Variants in RASEF observed in about 807,000 individuals in gnomAD.
RASEF encodes ras and EF-hand domain-containing protein.
In RASEF, 68 loss-of-function variants were observed where a neutral mutation model predicts 90.1. That is an observed-to-expected ratio of 0.75 (90% CI 0.62 to 0.92). The LOEUF is 0.92. Among genes scored for constraint, RASEF ranks in the 40% least tolerant of loss-of-function variants. The pLI, the probability that RASEF is intolerant of heterozygous loss-of-function variation, is 0.00. For missense variants in RASEF, 949 were observed against 937.2 expected (o/e 1.01, Z -0.16); for synonymous variants, 331 against 345.2 (o/e 0.96, Z 0.46).
At chr9:83,031,221 T>C (rs1443704146) in intron 1 of RASEF, among the ~76,000 whole-genome samples, 1 of 152,216 alleles carries the variant, frequency 6.6e-6, no homozygotes, top group Non-Finnish European at 1.5e-5. Context: ...ATCATCTTCT[T>C]CCCTATTAAC....
chr9:83,148,273 T>C, the RASEF span, among the ~76,000 whole-genome samples: 7 of 152,204 alleles, frequency 4.6e-5, no homozygotes, highest in Non-Finnish European at 7.3e-5. Context: ...TGTTATGGGC[T>C]GAACTGTGAT....
At chr9:83,124,749 C>A in the RASEF span, among the ~76,000 whole-genome samples, 30 of 152,070 alleles carry the variant, frequency 2.0e-4, 1 homozygote, top group Non-Finnish European at 4.1e-4. Flanking sequence ...TTTCTCTGGT[C>A]AGCTTTGGAA....
chr9:83,136,587 G>A, the RASEF span, among the ~76,000 whole-genome samples: 1 of 151,964 alleles, frequency 6.6e-6, no homozygotes, highest in African/African-American at 2.4e-5. Context: ...ATTCTACTAC[G>A]ACCTCACTGG....
intron 12 of RASEF, among the ~76,000 whole-genome samples, chr9:82,998,746 TGTGTGTGTGG>T (rs1302012402): frequency 1.3e-5 from 2 of 152,160 alleles, no homozygotes; most frequent in Non-Finnish European, 2.9e-5. Flanking sequence ...TTTGTGTGTG[TGTGTGTGTGG>T]GTGTGTGTAC....
chr9:83,019,708 T>G (rs1271201486), intron 3 of RASEF, among the ~76,000 whole-genome samples: 1 of 152,164 alleles, frequency 6.6e-6, no homozygotes, highest in Non-Finnish European at 1.5e-5. Context: ...GGCTAAACAC[T>G]GTGGTACCCC....
At chr9:83,046,588 C>G (rs1829934466) in intron 1 of RASEF, among the ~76,000 whole-genome samples, 1 of 152,200 alleles carries the variant, frequency 6.6e-6, no homozygotes, top group South Asian at 2.1e-4. Flanking sequence ...AACACTAACA[C>G]TAGTTTACAG....
chr9:83,062,303 T>C (rs1357883108), intron 1 of RASEF, 134 bp downstream of exon 1: 2 of 810,044 alleles, frequency 2.5e-6, no homozygotes, highest in South Asian at 1.8e-5. Context: ...TCAAAGCGAG[T>C]AGGTGAAGGA....
the RASEF span, among the ~76,000 whole-genome samples, chr9:83,120,892 T>C: frequency 1.3e-5 from 2 of 152,302 alleles, no homozygotes; most frequent in South Asian, 4.1e-4. Flanking sequence ...CACCATCTGA[T>C]ACGCAGACCT....
chr9:83,092,109 AT>A, the RASEF span, among the ~76,000 whole-genome samples: 1 of 134,370 alleles, frequency 7.4e-6, no homozygotes, highest in Middle Eastern at 4.9e-3. Context: ...GATTCTGGCT[AT>A]TTTTTCCAGT....
At chr9:83,175,456 C>G in the RASEF span, among the ~76,000 whole-genome samples, 2 of 151,874 alleles carry the variant, frequency 1.3e-5, no homozygotes, top group Non-Finnish European at 2.9e-5. Flanking sequence ...TGTGATAAAC[C>G]CTAGTAGTAG....
chr9:83,140,169 A>T, the RASEF span, among the ~76,000 whole-genome samples: 1 of 152,156 alleles, frequency 6.6e-6, no homozygotes, highest in Non-Finnish European at 1.5e-5. Context: ...CTCCCCAGGA[A>T]TTCCTCAGTG....
At chr9:83,202,625 G>A in the RASEF span, among the ~76,000 whole-genome samples, 2,604 of 152,078 alleles carry the variant, frequency 0.017, 74 homozygotes, top group African/African-American at 0.058. Context: ...ACAGGTGCCC[G>A]CCACTATGCT....
At chr9:82,982,825 GA>G in intron 16 of RASEF, 43 bp from the exon 17 acceptor site, 1 of 1,138,484 alleles carries the variant, frequency 8.8e-7, no homozygotes, top group Admixed American at 1.7e-5. Context: ...GAGAGAGAGA[GA>G]GAGAGAGGAT....
Position 83,000,208 on chromosome 9 carries a change from A to C in RASEF, c.1684T>G (p.Cys562Gly), listed in dbSNP as rs754185855. The C allele has an allele frequency of 6.2e-7, 1 of 1,614,048 alleles. No homozygotes were observed. Among genetic ancestry groups the C allele is most frequent in the Non-Finnish European group, 8.5e-7 (1 of 1,179,994 alleles). ...VGKSSFLMRL[C>G]KNEFRENISA... Reference sequence around the variant, plus strand: ...ATATTTTCTCGAAATTCATTCTTGCAAAGTCTCATGAGGAAACTAGACTTC... The same window carrying C: ...ATATTTTCTCGAAATTCATTCTTGCCAAGTCTCATGAGGAAACTAGACTTC... The change falls in exon 12 of 17, where the codon TGC (cysteine) becomes GGC (glycine). Residue 562 changes from cysteine (C) to glycine (G), a missense_variant. Cys to Gly is a radical substitution (Grantham distance 159). Around this residue, in one of 3 missense-constraint regions of RASEF, gnomAD observed 288 missense variants for 328.4 expected, o/e 0.88. Coordinates refer to ENST00000376447, the MANE Select transcript of RASEF (RefSeq NM_152573.4).
intron 1 of RASEF, chr9:83,055,646 C>G (rs140862023): frequency 2.3e-4 from 166 of 718,062 alleles, no homozygotes; most frequent in African/African-American, 2.2e-3. Context: ...AGATGCCTCA[C>G]GAACACAAAT....
chr9:83,194,980 A>T, the RASEF span, among the ~76,000 whole-genome samples: 73 of 152,160 alleles, frequency 4.8e-4, no homozygotes, highest in Non-Finnish European at 7.9e-4. Context: ...TGGTTTCTTT[A>T]TCAGAGAATA....
the RASEF span, among the ~76,000 whole-genome samples, chr9:83,106,255 C>G: frequency 4.6e-5 from 7 of 152,278 alleles, no homozygotes; most frequent in African/African-American, 1.7e-4. Flanking sequence ...CAAATACTTG[C>G]CCGTATCTCT....
At chr9:83,165,145 A>T in the RASEF span, among the ~76,000 whole-genome samples, 4 of 152,112 alleles carry the variant, frequency 2.6e-5, no homozygotes, top group Non-Finnish European at 1.5e-5. Context: ...CACCACCATC[A>T]ATTGACTGGA....
chr9:83,153,664 A>T, the RASEF span, among the ~76,000 whole-genome samples: 1 of 152,204 alleles, frequency 6.6e-6, no homozygotes, highest in South Asian at 2.1e-4. Context: ...TAGAGTTCTC[A>T]TACCAGACCT....
Sources: gnomAD v4.1 joint callset for allele counts (sites outside exome capture counted in the v4.1 genomes callset) on GRCh38, gnomAD v4.1.1 for gene constraint, gnomAD v4.1.1 regional missense constraint, MANE v1.5 for transcripts, NCBI Gene and HGNC (gene_info 2026-07-23, HGNC 2026-07-21) for gene names.